Variants in ZNF345 observed in about 807,000 individuals in gnomAD.
ZNF345 encodes zinc finger protein 345.
For synonymous variants in ZNF345, 166 were observed against 187.9 expected, an observed-to-expected ratio of 0.88 and a Z score of 0.95; for missense variants, 527 against 589.9, an observed-to-expected ratio of 0.89 and a Z score of 1.10.
downstream of ZNF345, among the ~76,000 whole-genome samples, chr19:36,884,344 C>T (rs1221630067): frequency 6.6e-6 from 1 of 152,124 alleles, no homozygotes; most frequent in Non-Finnish European, 1.5e-5. Context: ...AGGCATGAGC[C>T]ACCGCACCTG....
At position 36,872,913 on chromosome 19, in the gene ZNF345, G is replaced by C. The variant is rs983553137; in HGVS notation, c.-46-3872G>C. Reference sequence around the variant, plus strand: ...AGGATCCTGAATCTTTTATCCTATTGACGATTTTTAAATGGTGATTTTCAG... The same window carrying C: ...AGGATCCTGAATCTTTTATCCTATTCACGATTTTTAAATGGTGATTTTCAG... On this transcript the variant is annotated intron_variant, in intron 2 of 2. Coordinates refer to ENST00000420450, the MANE Select transcript of ZNF345 (RefSeq NM_001242472.2). 4.6e-5 allele frequency among the ~76,000 whole-genome samples: 7 copies of C among 152,062 alleles called. No individual in the cohort carries two copies. The East Asian group carries it at 1.4e-3, about 29-fold the overall frequency.
intron 2 of ZNF345, among the ~76,000 whole-genome samples, chr19:36,854,235 G>GTT (rs34215056): frequency 0.027 from 3,742 of 138,662 alleles, 72 homozygotes; most frequent in Admixed American, 0.05. Context: ...CCTGGGTTTT[G>GTT]TTTTTTTTTT....
intron 2 of ZNF345, among the ~76,000 whole-genome samples, chr19:36,874,566 A>T (rs2072844160): frequency 6.6e-6 from 1 of 151,628 alleles, no homozygotes; most frequent in African/African-American, 2.4e-5. Flanking sequence ...TGGGAGGCTG[A>T]GGTCGGGAGT....
At chr19:36,891,433 T>A in intron 3 of ZNF345, 4 of 1,482,508 alleles carry the variant, frequency 2.7e-6, no homozygotes, top group Non-Finnish European at 3.6e-6. Flanking sequence ...TTTGTTCTCC[T>A]TACCTGTTTT....
At position 36,867,923 on chromosome 19, in the gene ZNF345, CT is replaced by C. The variant is rs1372517305; in HGVS notation, c.-46-8858del. Among the ~76,000 whole-genome samples, 33 of 151,348 alleles carry C rather than the reference CT, an allele frequency of 2.2e-4. 1 individual carries two copies. The highest frequency in any genetic ancestry group is 4.3e-4 in the Non-Finnish European group (29 of 67,926). On this transcript the variant is annotated intron_variant, in intron 2 of 2. Transcript: ENST00000420450. ...TACAATTGTAAGAAGAGAGTCCTAC[CT>C]TTTCATTTTCAATACACATTGCAGT... is the stretch of plus-strand genomic sequence containing the variant.
rs772269596 is a variant in ZNF345 at position 36,876,970 on chromosome 19, C to T, written c.140C>T (p.Thr47Ile). The T allele has an allele frequency of 4.3e-6, 7 of 1,614,156 alleles. No individual in the cohort carries two copies. In the East Asian group the frequency reaches 1.1e-4, roughly 26 times the overall value. Residue 47 changes from threonine (T) to isoleucine (I), a missense_variant, in exon 3 of 3, where the codon ACT becomes ATT. Thr to Ile is a moderately conservative substitution (Grantham distance 89, BLOSUM62 -1). Coordinates refer to ENST00000420450, the MANE Select transcript of ZNF345 (RefSeq NM_001242472.2). ...EMIFTPEDMP[T>I]FSIQHQRIHT... ...ATATTTACTCCTGAAGACATGCCCA[C>T]TTTCAGTATCCAGCATCAGAGAATT...
chr19:36,866,448 T>C (rs1189410179), intron 2 of ZNF345, among the ~76,000 whole-genome samples: 1 of 152,214 alleles, frequency 6.6e-6, no homozygotes, highest in Non-Finnish European at 1.5e-5. Flanking sequence ...GCTATTATAA[T>C]TTTTTGCCAA....
At chr19:36,871,037 A>G (rs568658283) in intron 2 of ZNF345, among the ~76,000 whole-genome samples, 16 of 152,342 alleles carry the variant, frequency 1.1e-4, no homozygotes, top group African/African-American at 3.8e-4. Context: ...TAGTTATCTT[A>G]TAAACAAAAG....
At chr19:36,891,681 A>G in intron 3 of ZNF345, 5 of 1,613,756 alleles carry the variant, frequency 3.1e-6, no homozygotes, top group Non-Finnish European at 4.2e-6. Flanking sequence ...GGATTCTCTG[A>G]TGTTGAATAA....
chr19:36,885,906 C>A (rs531678918), intron 3 of ZNF345, among the ~76,000 whole-genome samples: 1 of 152,056 alleles, frequency 6.6e-6, no homozygotes, highest in Non-Finnish European at 1.5e-5. Flanking sequence ...CAATTCTACC[C>A]GCCTCTCATC....
intron 2 of ZNF345, among the ~76,000 whole-genome samples, chr19:36,864,026 C>G (rs2072609295): frequency 6.6e-6 from 1 of 152,206 alleles, no homozygotes; most frequent in South Asian, 2.1e-4. Flanking sequence ...TCCCAAAGTT[C>G]CATCTTTACA....
In ZNF345 at chr19:36,877,564, T is replaced by A. The variant is rs1436040983; in HGVS notation, c.734T>A (p.Leu245His). Residue 245 changes from leucine (L) to histidine (H), a missense_variant, in exon 3 of 3, where the codon CTT (leucine) becomes CAT (histidine). Transcript: ENST00000420450. Reference protein sequence around the residue: ...CGMAFSSGSALTRHQRIHTGE... With the variant: ...CGMAFSSGSAHTRHQRIHTGE... ...ATGGCCTTTAGCAGTGGTTCGGCTC[T>A]TACTCGGCATCAGAGAATTCATACC... The A allele has an allele frequency of 6.2e-7, 1 of 1,613,992 alleles. No individual in the cohort carries two copies. The highest frequency in any genetic ancestry group is 1.3e-5 in the African/African-American group (1 of 74,898).
chr19:36,891,844 C>A (rs2073057029), intron 3 of ZNF345: 1 of 1,614,032 alleles, frequency 6.2e-7, no homozygotes, highest in South Asian at 1.1e-5. Flanking sequence ...AGTATGCATT[C>A]TCTGATGCTG....
intron 2 of ZNF345, among the ~76,000 whole-genome samples, chr19:36,869,848 A>G (rs577074939): frequency 6.9e-4 from 102 of 147,226 alleles, no homozygotes; most frequent in African/African-American, 2.4e-3. Flanking sequence ...TGCAAGCTCT[A>G]CCTCCTGGGT....
In ZNF345 at chr19:36,877,305, T is replaced by A. The variant is rs1273737295; in HGVS notation, c.475T>A (p.Ser159Thr). 4 of 1,613,874 alleles carry A rather than the reference T, an allele frequency of 2.5e-6. No individual in the cohort carries two copies. Among genetic ancestry groups the A allele is most frequent in the Non-Finnish European group, 3.4e-6 (4 of 1,180,006 alleles). The change falls in exon 3 of 3, where the codon TCA (serine) becomes ACA (threonine). Residue 159 changes from serine (S) to threonine (T), a missense_variant. Physicochemically the swap from Ser to Thr is moderately conservative, Grantham distance 58. Transcript: ENST00000420450. ...ATGTGGGAAAGCCTTTAGTTTTGGA[T>A]CAGGCCTTATTCGACATCAGATCAT... Reference protein sequence around the residue: ...KECGKAFSFGSGLIRHQIIHS... With the variant: ...KECGKAFSFGTGLIRHQIIHS...
chr19:36,891,354 C>A, intron 3 of ZNF345: 1 of 857,436 alleles, frequency 1.2e-6, no homozygotes, highest in Non-Finnish European at 1.7e-6. Flanking sequence ...GGTTTTGGTA[C>A]TTGGTACTTT....
At chr19:36,883,487 C>G (rs959030226), downstream of ZNF345, among the ~76,000 whole-genome samples, 19 of 152,218 alleles carry the variant, frequency 1.2e-4, no homozygotes, top group Non-Finnish European at 7.3e-5. Flanking sequence ...CTTCTCTACA[C>G]TACTTGAATT....
At chr19:36,868,110 C>T (rs1299691426) in intron 2 of ZNF345, among the ~76,000 whole-genome samples, 1 of 147,362 alleles carries the variant, frequency 6.8e-6, no homozygotes, top group Non-Finnish European at 1.5e-5. Context: ...TCCAAAAATT[C>T]TCCTGCCTCA....
At chr19:36,870,811 CT>C (rs1033689655) in intron 2 of ZNF345, among the ~76,000 whole-genome samples, 5 of 151,810 alleles carry the variant, frequency 3.3e-5, no homozygotes, top group Non-Finnish European at 5.9e-5. Flanking sequence ...TGTAAATCAT[CT>C]TTTTTTTATA....
Sources: gnomAD v4.1 joint callset for allele counts (sites outside exome capture counted in the v4.1 genomes callset) on GRCh38, gnomAD v4.1.1 for gene constraint, MANE v1.5 for transcripts, NCBI Gene and HGNC (gene_info 2026-07-23, HGNC 2026-07-21) for gene names.